Variants in PRIM2 observed in about 807,000 individuals in gnomAD.
The protein encoded by PRIM2 is DNA primase large subunit.
Under a neutral mutation model 67.3 loss-of-function variants are expected in PRIM2, and 39 were observed. That is an observed-to-expected ratio of 0.58 (90% confidence interval 0.45 to 0.76). The LOEUF (loss-of-function observed/expected upper bound fraction) is 0.76. Ranked by LOEUF, PRIM2 falls within the 30% of genes least tolerant of loss-of-function variation. The pLI, the probability that PRIM2 is intolerant of heterozygous loss-of-function variation, is 0.00. For synonymous variants in PRIM2, 143 were observed against 198.7 expected, an observed-to-expected ratio of 0.72 and a Z score of 2.36; for missense variants, 398 against 598.7, an observed-to-expected ratio of 0.66 and a Z score of 3.50.
chr6:57,502,051 G>C (rs1328781641), intron 7 of PRIM2, among the ~76,000 whole-genome samples: 10 of 152,078 alleles, frequency 6.6e-5, no homozygotes, highest in African/African-American at 2.4e-4. Context: ...AAAAACCAGA[G>C]AGACATAGAT....
intron 7 of PRIM2, among the ~76,000 whole-genome samples, chr6:57,410,346 A>G (rs201617717): frequency 4.7e-5 from 7 of 148,134 alleles, no homozygotes; most frequent in East Asian, 1.9e-4. Flanking sequence ...AAAAAAAAAA[A>G]AAAGAAAGAA....
chr6:57,342,539 T>C (rs1196741932), intron 5 of PRIM2, among the ~76,000 whole-genome samples: 4 of 152,212 alleles, frequency 2.6e-5, no homozygotes, highest in Non-Finnish European at 5.9e-5. Flanking sequence ...TCTAATTTAC[T>C]TGGATGCTTT....
At chr6:57,509,067 TTTC>T (rs1474914917) in intron 8 of PRIM2, among the ~76,000 whole-genome samples, 4 of 151,870 alleles carry the variant, frequency 2.6e-5, no homozygotes, top group African/African-American at 9.7e-5. Flanking sequence ...TTTCTTTTTC[TTTC>T]TTAGTATTTC....
At chr6:57,255,767 T>C in the PRIM2 span, among the ~76,000 whole-genome samples, 1 of 152,008 alleles carries the variant, frequency 6.6e-6, no homozygotes, top group Admixed American at 6.6e-5. Flanking sequence ...ATAAAAAAAC[T>C]TCAAGGCTAT....
chr6:57,432,114 C>T (rs1771852646), intron 7 of PRIM2, among the ~76,000 whole-genome samples: 1 of 152,074 alleles, frequency 6.6e-6, no homozygotes, highest in Non-Finnish European at 1.5e-5. Context: ...GAAATACTGG[C>T]ATTTGAGGTT....
chr6:57,331,849 A>G (rs143687289), intron 5 of PRIM2, among the ~76,000 whole-genome samples: 74 of 151,874 alleles, frequency 4.9e-4, no homozygotes, highest in African/African-American at 1.7e-3. Context: ...CAAAGAACCA[A>G]CTTTTGGTTT....
chr6:57,318,823 A>G (rs1767560194), intron 2 of PRIM2, among the ~76,000 whole-genome samples: 1 of 152,176 alleles, frequency 6.6e-6, no homozygotes, highest in Non-Finnish European at 1.5e-5. Context: ...GAGTGCCATT[A>G]TGTTCTAGGT....
chr6:57,531,193 C>G (rs1450959178), intron 8 of PRIM2, among the ~76,000 whole-genome samples: 2 of 152,160 alleles, frequency 1.3e-5, no homozygotes, highest in Non-Finnish European at 2.9e-5. Context: ...CGCTCTATAG[C>G]CTAGGCTCGA....
At chr6:57,264,888 C>T in the PRIM2 span, among the ~76,000 whole-genome samples, 6 of 152,030 alleles carry the variant, frequency 3.9e-5, no homozygotes, top group African/African-American at 7.2e-5. Flanking sequence ...GGATTAAAGG[C>T]GTCAAAAACT....
chr6:57,503,086 C>A (rs1774172843), intron 7 of PRIM2, among the ~76,000 whole-genome samples: 1 of 152,130 alleles, frequency 6.6e-6, no homozygotes, highest in Admixed American at 6.5e-5. Flanking sequence ...GATGGGTAAA[C>A]CTTACATTCA....
intron 10 of PRIM2, among the ~76,000 whole-genome samples, chr6:57,554,100 C>T (rs1775460181): frequency 6.6e-6 from 1 of 151,852 alleles, no homozygotes; most frequent in African/African-American, 2.4e-5. Flanking sequence ...AGGCCTCTTA[C>T]ATAAAGGATG....
the PRIM2 span, among the ~76,000 whole-genome samples, chr6:57,236,572 C>G: frequency 2.6e-5 from 4 of 152,084 alleles, no homozygotes; most frequent in South Asian, 2.1e-4. Context: ...CCTCTCCCCC[C>G]ACCCCACAAC....
intron 8 of PRIM2, among the ~76,000 whole-genome samples, chr6:57,510,073 G>C (rs1554347560): frequency 2.0e-5 from 3 of 151,632 alleles, no homozygotes; most frequent in Non-Finnish European, 4.4e-5. Context: ...GTCTTTTATA[G>C]ATATTTTCAT....
rs1179191850 is a variant in PRIM2, at chr6:57,547,341, A to C, written c.1020+9716A>C. On this transcript the variant is annotated intron_variant, in intron 10 of 13. Transcript: ENST00000615550. ...ATTTTGTGCTGCGACGTCATCTCCC[A>C]GATAGTGAGCATAGTACCCAATAGG... 3.3e-5 allele frequency among the ~76,000 whole-genome samples: 5 copies of C among 152,128 alleles called. No homozygotes were observed. The East Asian group carries it at 5.8e-4, about 18-fold the overall frequency.
intron 6 of PRIM2, 76 bp from the exon 7 acceptor site, chr6:57,381,955 A>C (rs565904650): frequency 4.9e-6 from 7 of 1,442,358 alleles, no homozygotes; most frequent in Non-Finnish European, 4.7e-6. Flanking sequence ...CTTTGTTTAT[A>C]CTTTATACAT....
At chr6:57,641,841 A>G (rs1464924181) in intron 13 of PRIM2, among the ~76,000 whole-genome samples, 1 of 152,252 alleles carries the variant, frequency 6.6e-6, no homozygotes, top group African/African-American at 2.4e-5. Flanking sequence ...TCAAGGATCT[A>G]GAACCAGAAA....
intron 7 of PRIM2, among the ~76,000 whole-genome samples, chr6:57,433,911 T>C (rs1267733251): frequency 6.7e-6 from 1 of 148,862 alleles, no homozygotes; most frequent in Non-Finnish European, 1.5e-5. Flanking sequence ...GACAAGCAAC[T>C]TCTCTGTTCC....
At chr6:57,260,718 G>T in the PRIM2 span, among the ~76,000 whole-genome samples, 1 of 152,132 alleles carries the variant, frequency 6.6e-6, no homozygotes, top group Non-Finnish European at 1.5e-5. Flanking sequence ...ATAAGTAGCC[G>T]GGCAGACAAA....
chr6:57,382,017 T>C lies in PRIM2; in HGVS notation c.556-14T>C, dbSNP rs6936571. On this transcript the variant is annotated splice_polypyrimidine_tract_variant and intron_variant, in intron 6 of 13. Coordinates refer to ENST00000615550, the MANE Select transcript of PRIM2 (RefSeq NM_000947.5). The stretch of plus-strand genomic sequence containing the variant: ...AGGTGCTGACTTATTTTGCCTGTTT[T>C]ACTCTTAATTCAGATCCCTTTTGCT... 8.1e-6 allele frequency: 13 copies of C among 1,600,622 alleles called. No homozygotes were observed. The highest frequency in any genetic ancestry group is 4.0e-5 in the African/African-American group (3 of 74,964).
Sources: gnomAD v4.1 joint callset for allele counts (sites outside exome capture counted in the v4.1 genomes callset) on GRCh38, gnomAD v4.1.1 for gene constraint, MANE v1.5 for transcripts, NCBI Gene and HGNC (gene_info 2026-07-23, HGNC 2026-07-21) for gene names.